ST18: variants seen among roughly 807,000 people sequenced by gnomAD.
The protein encoded by ST18 is suppression of tumorigenicity 18 protein.
ST18 carries 50 observed loss-of-function variants against 110.0 expected under a neutral mutation model. The observed-to-expected ratio is 0.45, with a 90% CI of 0.36 to 0.58. The LOEUF (loss-of-function observed/expected upper bound fraction) is 0.58. ST18 is among the 20% of genes least tolerant of loss of function. The probability of loss-of-function intolerance (pLI) is 0.00; values close to 1 mark genes in which losing one functional copy is unlikely to be tolerated. For missense variants in ST18, 1,306 were observed against 1,280.1 expected (o/e 1.02, Z -0.31); for synonymous variants, 461 against 452.4 (o/e 1.02, Z -0.24).
chr8:52,133,840 C>T (rs2050845470), intron 19 of ST18, among the ~76,000 whole-genome samples: 1 of 152,036 alleles, frequency 6.6e-6, no homozygotes, highest in African/African-American at 2.4e-5. Context: ...AAGTGATTCT[C>T]CTGCCTCAGC....
chr8:52,380,254 A>G (rs1834001091), intron 2 of ST18, among the ~76,000 whole-genome samples: 1 of 152,228 alleles, frequency 6.6e-6, no homozygotes, highest in Admixed American at 6.5e-5. Context: ...TCATTTATAC[A>G]ATACAGAACT....
chr8:52,116,151 T>C, intron 25 of ST18, 124 bp downstream of exon 25: 2 of 1,015,190 alleles, frequency 2.0e-6, no homozygotes, highest in Non-Finnish European at 2.8e-6. Flanking sequence ...TGTGATGAAG[T>C]GTGGTCACTC....
intron 22 of ST18, among the ~76,000 whole-genome samples, 185 bp downstream of exon 22, chr8:52,131,773 T>C (rs1007906468): frequency 6.6e-6 from 1 of 152,110 alleles, no homozygotes; most frequent in South Asian, 2.1e-4. Context: ...TTTTAAGAAA[T>C]AGAGAGAATA....
chr8:52,346,467 G>A (rs1381361897), intron 2 of ST18, among the ~76,000 whole-genome samples: 2 of 152,158 alleles, frequency 1.3e-5, no homozygotes, highest in East Asian at 1.9e-4. Flanking sequence ...CATAGTGAAA[G>A]AAGAGTTGAA....
chr8:52,244,423 T>G (rs1437217190), intron 2 of ST18, among the ~76,000 whole-genome samples: 1 of 152,218 alleles, frequency 6.6e-6, no homozygotes, highest in African/African-American at 2.4e-5. Flanking sequence ...TGGAAGAGTT[T>G]TCTTGTTTGC....
At position 52,113,041 on chromosome 8, in the gene ST18, C is replaced by T; in HGVS notation, c.*157G>A. On this transcript the variant is annotated 3_prime_UTR_variant, in exon 26 of 26. Coordinates refer to ENST00000689386, the MANE Select transcript of ST18 (RefSeq NM_001352837.2). ...AGAAGTCTATCATAGTTTTTCTTTC[C>T]TTTTTATATCAGCTGGGGAAAATAA... The T allele has an allele frequency of 1.3e-6, 1 of 750,014 alleles. No individual in the cohort carries two copies. The highest frequency in any genetic ancestry group is 1.9e-6 in the Non-Finnish European group (1 of 527,976). 46.5% of individuals were successfully genotyped at this position (750,014 alleles called of 1,614,324 possible).
At chr8:52,395,335 G>C (rs1840721392) in intron 2 of ST18, among the ~76,000 whole-genome samples, 1 of 152,218 alleles carries the variant, frequency 6.6e-6, no homozygotes, top group Non-Finnish European at 1.5e-5. Flanking sequence ...AAGTGCTTCA[G>C]AAAGCAAAGA....
rs2094513798 is a variant in ST18, at chr8:52,255,922, C to T, written c.-464-25845G>A. Among the ~76,000 whole-genome samples, 5 of 152,302 alleles carry T rather than the reference C, an allele frequency of 3.3e-5. No individual in the cohort carries two copies. The South Asian group carries it at 1.0e-3, about 32-fold the overall frequency. On this transcript the variant is annotated intron_variant, in intron 2 of 25. Transcript: ENST00000689386. ...TTCAAGGTCCCTTGGCCCATTGCTC[C>T]CTCACAGTGTTTTGGTTTTTTGAGA...
At chr8:52,357,671 CTATAAATATATA>C (rs1391608095) in intron 2 of ST18, among the ~76,000 whole-genome samples, 17 of 60,018 alleles carry the variant, frequency 2.8e-4, no homozygotes, top group African/African-American at 8.9e-4. Flanking sequence ...TCCCCAAAAT[CTATAAATATATA>C]TATATATATA....
chr8:52,304,008 G>A (rs2095773268), intron 2 of ST18, among the ~76,000 whole-genome samples: 1 of 152,058 alleles, frequency 6.6e-6, no homozygotes, highest in Non-Finnish European at 1.5e-5. Context: ...GGGGTGGTGG[G>A]GCATCATGTT....
chr8:52,384,695 C>A (rs368349171), intron 2 of ST18, among the ~76,000 whole-genome samples: 55 of 152,126 alleles, frequency 3.6e-4, no homozygotes, highest in African/African-American at 1.1e-3. Context: ...ATTGCTTCTT[C>A]GGTAGAGATG....
intron 8 of ST18, among the ~76,000 whole-genome samples, chr8:52,195,339 A>G (rs2075861182): frequency 6.6e-6 from 1 of 152,164 alleles, no homozygotes; most frequent in Admixed American, 6.5e-5. Context: ...TAAAGCCCAC[A>G]CTGTTATTTT....
chr8:52,148,998 C>T (rs1322397884), intron 16 of ST18, among the ~76,000 whole-genome samples: 6 of 152,182 alleles, frequency 3.9e-5, no homozygotes, highest in Non-Finnish European at 7.3e-5. Flanking sequence ...ATAATTAAGG[C>T]CACATCTGCA....
At chr8:52,282,280 C>T (rs558331611) in intron 2 of ST18, among the ~76,000 whole-genome samples, 12 of 152,208 alleles carry the variant, frequency 7.9e-5, no homozygotes, top group Admixed American at 1.3e-4. Flanking sequence ...GACAAAAATC[C>T]TGAACAAAAT....
chr8:52,115,833 C>T (rs1040158004), intron 25 of ST18, among the ~76,000 whole-genome samples: 6 of 151,950 alleles, frequency 3.9e-5, no homozygotes, highest in African/African-American at 1.2e-4. Flanking sequence ...GAAGTACGTT[C>T]TTCATACTTC....
chr8:52,347,364 A>G (rs7386851), intron 2 of ST18, among the ~76,000 whole-genome samples: 149,874 of 152,314 alleles, frequency 0.98, 73,784 homozygotes, highest in Middle Eastern at 1. Flanking sequence ...TGGAAGACAG[A>G]AAAACAGAGG....
In ST18 at chr8:52,123,160, T is replaced by C. The variant is rs1032115599; in HGVS notation, c.2755+2892A>G. Among the ~76,000 whole-genome samples the C allele has an allele frequency of 7.2e-5, 11 of 152,312 alleles. No individual in the cohort carries two copies. In the South Asian group the frequency reaches 1.0e-3, roughly 14 times the overall value. ...GCAAGGATGGAGAACTAAAGATCAA[T>C]TATTCTAAAATTAATGTACACATTT... is the stretch of plus-strand genomic sequence containing the variant. On this transcript the variant is annotated intron_variant, in intron 23 of 25. Transcript: ENST00000689386.
chr8:52,336,288 T>G (rs930495151), intron 2 of ST18, among the ~76,000 whole-genome samples: 1 of 152,076 alleles, frequency 6.6e-6, no homozygotes. Flanking sequence ...TAGGTGGAAT[T>G]ACAGGTGCGC....
intron 13 of ST18, among the ~76,000 whole-genome samples, chr8:52,162,711 A>G (rs1205526861): frequency 6.6e-6 from 1 of 152,252 alleles, no homozygotes; most frequent in African/African-American, 2.4e-5. Flanking sequence ...AGATTTGTGT[A>G]GCACTGATTC....
Sources: allele counts gnomAD v4.1 joint callset (sites outside exome capture counted in the v4.1 genomes callset), GRCh38; gene constraint gnomAD v4.1.1; transcripts MANE v1.5; gene names NCBI Gene and HGNC (gene_info 2026-07-23, HGNC 2026-07-21).